The following C6orf52 variants were observed in gnomAD, a reference collection of about 807,000 sequenced individuals.
The protein encoded by C6orf52 is putative uncharacterized protein C6orf52.
A neutral mutation model predicts 16.6 loss-of-function variants in C6orf52; 16 were observed. The observed-to-expected ratio is 0.96, with a 90% CI of 0.65 to 1.46. The LOEUF (loss-of-function observed/expected upper bound fraction) is 1.46. Among genes scored for constraint, C6orf52 ranks in the 40% most tolerant of loss-of-function variants. C6orf52 has a pLI of 0.00. For synonymous variants in C6orf52, 53 were observed against 61.4 expected, an observed-to-expected ratio of 0.86 and a Z score of 0.64; for missense variants, 166 against 182.3, an observed-to-expected ratio of 0.91 and a Z score of 0.52.
chr6:10,678,121 T>A (rs1581539001), intron 4 of C6orf52, among the ~76,000 whole-genome samples: 1 of 149,514 alleles, frequency 6.7e-6, no homozygotes, highest in African/African-American at 2.5e-5. Flanking sequence ...GAGGAGGCGG[T>A]TGCAGTGAGC....
intron 4 of C6orf52, among the ~76,000 whole-genome samples, chr6:10,676,587 A>T (rs1767904469): frequency 6.6e-6 from 1 of 152,220 alleles, no homozygotes; most frequent in South Asian, 2.1e-4. Context: ...AAGATGGCGG[A>T]CAAGTGGAAA....
chr6:10,681,449 TTTC>T (rs1292410021), intron 4 of C6orf52, among the ~76,000 whole-genome samples: 3 of 152,246 alleles, frequency 2.0e-5, no homozygotes, highest in Non-Finnish European at 4.4e-5. Flanking sequence ...GTCTTTATTA[TTTC>T]TTTTCTTCTA....
At chr6:10,687,210 A>C in intron 2 of C6orf52, 46 bp from the exon 3 acceptor site, 1 of 1,341,696 alleles carries the variant, frequency 7.5e-7, no homozygotes, top group Non-Finnish European at 1.0e-6. Context: ...TCATCCACAA[A>C]CCCCCAAACC....
chr6:10,693,899 A>G (rs1018141315), intron 1 of C6orf52, among the ~76,000 whole-genome samples: 2 of 152,020 alleles, frequency 1.3e-5, no homozygotes, highest in Admixed American at 1.3e-4. Flanking sequence ...GGGCTAATTT[A>G]TAACATTTTT....
At chr6:10,673,751 A>AT (rs1227737244) in intron 4 of C6orf52, among the ~76,000 whole-genome samples, 1 of 152,132 alleles carries the variant, frequency 6.6e-6, no homozygotes, top group Non-Finnish European at 1.5e-5. Context: ...TGTTATGCAT[A>AT]TTTCACCACA....
chr6:10,687,662 A>G, intron 1 of C6orf52, 101 bp from the exon 2 acceptor site: 1 of 716,730 alleles, frequency 1.4e-6, no homozygotes, highest in South Asian at 1.6e-5. Context: ...TCGCAACTAC[A>G]TCTGAGATAA....
chr6:10,681,123 C>G (rs1157893902), intron 4 of C6orf52, among the ~76,000 whole-genome samples: 1 of 152,154 alleles, frequency 6.6e-6, no homozygotes, highest in African/African-American at 2.4e-5. Flanking sequence ...CTTTTTATTA[C>G]TGTTTCAATT....
At chr6:10,672,865 G>A (rs1315482199) in intron 4 of C6orf52, among the ~76,000 whole-genome samples, 1 of 152,176 alleles carries the variant, frequency 6.6e-6, no homozygotes, top group East Asian at 1.9e-4. Context: ...CACCCAGTCT[G>A]TGGTACTATG....
At chr6:10,673,501 C>T (rs938139102) in intron 4 of C6orf52, among the ~76,000 whole-genome samples, 4 of 152,118 alleles carry the variant, frequency 2.6e-5, no homozygotes, top group African/African-American at 9.7e-5. Flanking sequence ...ATAAAATATA[C>T]ACCACATTGA....
chr6:10,683,858 C>T (rs576325258), intron 3 of C6orf52, among the ~76,000 whole-genome samples: 78 of 152,260 alleles, frequency 5.1e-4, no homozygotes, highest in African/African-American at 1.7e-3. Flanking sequence ...GGGCAGCATA[C>T]GTTTTTATGA....
At chr6:10,677,435 A>T (rs1219238794) in intron 4 of C6orf52, among the ~76,000 whole-genome samples, 2 of 148,432 alleles carry the variant, frequency 1.3e-5, no homozygotes, top group African/African-American at 4.9e-5. Flanking sequence ...GTACAAAGTC[A>T]GGTAGTGTGA....
intron 4 of C6orf52, among the ~76,000 whole-genome samples, chr6:10,679,696 A>C (rs958044628): frequency 1.3e-5 from 2 of 152,132 alleles, no homozygotes; most frequent in African/African-American, 4.8e-5. Context: ...CCAACCTAGG[A>C]ACCTTTAGTT....
At chr6:10,689,440 G>A (rs1769110970) in intron 1 of C6orf52, among the ~76,000 whole-genome samples, 1 of 152,232 alleles carries the variant, frequency 6.6e-6, no homozygotes, top group South Asian at 2.1e-4. Flanking sequence ...ATTAGCAACT[G>A]TGGCAGACAT....
rs538124616 is a variant in C6orf52, at chr6:10,685,250, A to AG, written c.270+1715_270+1716insC. Among the ~76,000 whole-genome samples, 569 of 151,578 alleles carry AG rather than the reference A, an allele frequency of 3.8e-3. 5 individuals are homozygous for AG. The highest frequency in any genetic ancestry group is 0.012 in the African/African-American group (511 of 41,268). On this transcript the variant is annotated intron_variant, in intron 3 of 4. Transcript: ENST00000259983. Reference sequence around the variant, plus strand: ...AGCAAAAAGAGAAGGGGCAAAAGAAAAAAAAAAAAAAAAGAGTGCCAAAAC... The same window carrying AG: ...AGCAAAAAGAGAAGGGGCAAAAGAAAGAAAAAAAAAAAAAGAGTGCCAAAAC...
At chr6:10,686,040 C>A (rs958732099) in intron 3 of C6orf52, among the ~76,000 whole-genome samples, 1 of 152,086 alleles carries the variant, frequency 6.6e-6, no homozygotes, top group African/African-American at 2.4e-5. Flanking sequence ...AGCTAAAAAT[C>A]GCAATGTATC....
intron 1 of C6orf52, among the ~76,000 whole-genome samples, chr6:10,691,450 AC>A (rs1169771630): frequency 2.0e-5 from 3 of 152,154 alleles, no homozygotes; most frequent in Non-Finnish European, 4.4e-5. Context: ...ACGGAACAGA[AC>A]AGGACAGGGA....
chr6:10,676,419 G>A (rs1173222996), intron 4 of C6orf52, among the ~76,000 whole-genome samples: 1 of 152,178 alleles, frequency 6.6e-6, no homozygotes, highest in African/African-American at 2.4e-5. Flanking sequence ...ACAGCAACCT[G>A]TAAAACTGAA....
intron 4 of C6orf52, among the ~76,000 whole-genome samples, chr6:10,674,507 C>T (rs927134963): frequency 1.8e-4 from 28 of 152,176 alleles, no homozygotes; most frequent in African/African-American, 5.5e-4. Context: ...GTATTTATCA[C>T]GTACAACATA....
At chr6:10,687,263 G>A (rs1044971257) in intron 2 of C6orf52, 99 bp from the exon 3 acceptor site, 1 of 906,228 alleles carries the variant, frequency 1.1e-6, no homozygotes, top group African/African-American at 1.7e-5. Flanking sequence ...GAACACCTAT[G>A]TTCAAAGCCA....
Sources: gnomAD v4.1 joint callset for allele counts (sites outside exome capture counted in the v4.1 genomes callset) on GRCh38, gnomAD v4.1.1 for gene constraint, MANE v1.5 for transcripts, NCBI Gene and HGNC (gene_info 2026-07-23, HGNC 2026-07-21) for gene names.